Variants in CYYR1 observed in about 807,000 individuals in gnomAD.
The protein encoded by CYYR1 is cysteine and tyrosine rich 1.
In CYYR1, 14 loss-of-function variants were observed where a neutral mutation model predicts 15.2. That is an observed-to-expected ratio of 0.92 (90% CI 0.61 to 1.44). The LOEUF (loss-of-function observed/expected upper bound fraction) is 1.44. CYYR1 is among the 40% of genes most tolerant of loss of function. The probability of loss-of-function intolerance (pLI) is 0.00; values close to 1 mark genes in which losing one functional copy is unlikely to be tolerated. For missense variants in CYYR1, 228 were observed against 209.5 expected, an observed-to-expected ratio of 1.09 and a Z score of -0.54; for synonymous variants, 80 against 77.4, an observed-to-expected ratio of 1.03 and a Z score of -0.18.
At chr21:26,530,147 T>C (rs2065913828) in intron 2 of CYYR1, among the ~76,000 whole-genome samples, 1 of 152,158 alleles carries the variant, frequency 6.6e-6, no homozygotes, top group African/African-American at 2.4e-5. Context: ...ACAATTTTGC[T>C]TGTATTTGTA....
At chr21:26,536,994 T>G (rs976552484) in intron 2 of CYYR1, among the ~76,000 whole-genome samples, 1 of 152,266 alleles carries the variant, frequency 6.6e-6, no homozygotes, top group South Asian at 2.1e-4. Context: ...TTGTAAATAC[T>G]GGTATGTTCT....
intron 2 of CYYR1, among the ~76,000 whole-genome samples, chr21:26,522,896 T>C (rs1216123330): frequency 2.0e-5 from 3 of 152,254 alleles, no homozygotes; most frequent in East Asian, 3.9e-4. Flanking sequence ...CAACAAACAA[T>C]AGGCATGAAA....
chr21:26,563,617 G>GA (rs66524967), intron 2 of CYYR1, among the ~76,000 whole-genome samples: 64,238 of 151,886 alleles, frequency 0.42, 14,907 homozygotes, highest in East Asian at 0.64. Context: ...AGAGCAAACT[G>GA]AAAAAAATAA....
At chr21:26,531,790 A>G (rs2065933505) in intron 2 of CYYR1, among the ~76,000 whole-genome samples, 1 of 152,156 alleles carries the variant, frequency 6.6e-6, no homozygotes, top group African/African-American at 2.4e-5. Flanking sequence ...CCTTAGATCG[A>G]TAAAGAGTAA....
Position 26,510,038 on chromosome 21 carries a change from C to A in CYYR1, c.177-29609G>T, listed in dbSNP as rs538371168. On this transcript the variant is annotated intron_variant, in intron 2 of 3. Transcript: ENST00000652641. ...GGGCTGGATGTAAGATCTCATTGAACTAATCACTATTCACATGGCTTCAAT... is the reference window on the plus strand; with the variant it reads ...GGGCTGGATGTAAGATCTCATTGAAATAATCACTATTCACATGGCTTCAAT... Among the ~76,000 whole-genome samples, 6 of 152,322 alleles carry A rather than the reference C, an allele frequency of 3.9e-5. No individual in the cohort carries two copies. In the East Asian group the frequency reaches 1.2e-3, roughly 29 times the overall value.
chr21:26,502,605 C>T (rs1250257370), intron 2 of CYYR1, among the ~76,000 whole-genome samples: 1 of 152,094 alleles, frequency 6.6e-6, no homozygotes, highest in East Asian at 1.9e-4. Context: ...TTATCTTGGT[C>T]TTGATGCACA....
chr21:26,516,809 A>G (rs564571724), intron 2 of CYYR1, among the ~76,000 whole-genome samples: 14 of 152,320 alleles, frequency 9.2e-5, no homozygotes, highest in African/African-American at 3.1e-4. Context: ...AGCAATGTTT[A>G]GCCAGGATTT....
intron 2 of CYYR1, among the ~76,000 whole-genome samples, chr21:26,512,368 T>G (rs9636573): frequency 3.3e-5 from 5 of 151,886 alleles, no homozygotes; most frequent in Non-Finnish European, 7.4e-5. Flanking sequence ...CTGGCTAATT[T>G]TTTTTTGTAT....
Position 26,480,280 on chromosome 21 carries a change from G to T in CYYR1, c.326C>A (p.Ser109Tyr). 1.2e-6 allele frequency: 2 copies of T among 1,611,062 alleles called. No homozygotes were observed. Among genetic ancestry groups the T allele is most frequent in the Admixed American group, 3.4e-5 (2 of 59,476 alleles). ...LRTTHINTVS[S>Y]YPAGPPPYGH... ...TCAACAGTTTTGCTCACCAGGATAG[G>T]AGGAGACGGTGTTGATGTGAGTCGT... The change falls in exon 3 of 4, where the codon TCC (serine) becomes TAC (tyrosine). Residue 109 changes from serine (S) to tyrosine (Y), a missense_variant. Ser to Tyr is a moderately radical substitution (Grantham distance 144). Coordinates refer to ENST00000652641, the MANE Select transcript of CYYR1 (RefSeq NM_001320768.2).
chr21:26,559,767 T>C (rs1390885843), intron 2 of CYYR1, among the ~76,000 whole-genome samples: 2 of 152,204 alleles, frequency 1.3e-5, no homozygotes, highest in East Asian at 1.9e-4. Flanking sequence ...CAAGTTTCCA[T>C]ATATACGTCA....
chr21:26,501,630 C>T (rs573068489), intron 2 of CYYR1, among the ~76,000 whole-genome samples: 2 of 152,268 alleles, frequency 1.3e-5, no homozygotes, highest in South Asian at 4.1e-4. Context: ...ACCTTCTTTT[C>T]CCCCTTGGTT....
chr21:26,478,099 A>G, intron 3 of CYYR1: 1 of 1,549,716 alleles, frequency 6.5e-7, no homozygotes, highest in Non-Finnish European at 8.7e-7. Flanking sequence ...GTGTTGAACA[A>G]AATAGACCAA....
At chr21:26,536,614 A>C (rs190863724) in intron 2 of CYYR1, among the ~76,000 whole-genome samples, 2 of 152,244 alleles carry the variant, frequency 1.3e-5, no homozygotes, top group Non-Finnish European at 2.9e-5. Flanking sequence ...TTTGCTTTTA[A>C]AATTCAATAC....
At chr21:26,521,582 T>G (rs1394116285) in intron 2 of CYYR1, among the ~76,000 whole-genome samples, 1 of 152,242 alleles carries the variant, frequency 6.6e-6, no homozygotes, top group African/African-American at 2.4e-5. Flanking sequence ...CTACTTTATC[T>G]TGTACTGATC....
rs1354961508 is a variant in CYYR1, at chr21:26,467,678, A to T, written c.*823T>A. On this transcript the variant is annotated 3_prime_UTR_variant, in exon 4 of 4. Coordinates refer to ENST00000652641, the MANE Select transcript of CYYR1 (RefSeq NM_001320768.2). Reference sequence around the variant, plus strand: ...TTATTCTGATCCACTATAAAGCCAGATGATTTTTAGGTGGCAGTAGCTGGC... The same window carrying T: ...TTATTCTGATCCACTATAAAGCCAGTTGATTTTTAGGTGGCAGTAGCTGGC... The T allele has an allele frequency of 6.6e-6, 1 of 152,112 alleles. No individual in the cohort carries two copies. Among genetic ancestry groups the T allele is most frequent in the Non-Finnish European group, 1.5e-5 (1 of 68,028 alleles). 9.4% of individuals were successfully genotyped at this position (152,112 alleles called of 1,614,324 possible).
chr21:26,516,487 C>G (rs1197627822), intron 2 of CYYR1, among the ~76,000 whole-genome samples: 1 of 152,182 alleles, frequency 6.6e-6, no homozygotes, highest in East Asian at 1.9e-4. Flanking sequence ...AAGTTGCACT[C>G]TAAAAATATT....
rs182126284 is a variant in CYYR1 at position 26,563,418 on chromosome 21, A to G, written c.176+2848T>C. On this transcript the variant is annotated intron_variant, in intron 2 of 3. Coordinates refer to ENST00000652641, the MANE Select transcript of CYYR1 (RefSeq NM_001320768.2). ...GAAAACCACTCTCTACTAAAAATAC[A>G]AAAATTAGCCAAGCATGGTGGTGCC... Among the ~76,000 whole-genome samples, 407 of 152,250 alleles carry G rather than the reference A, an allele frequency of 2.7e-3. 1 individual carries two copies. The highest frequency in any genetic ancestry group is 9.1e-3 in the African/African-American group (379 of 41,538).
At chr21:26,501,151 A>C (rs1277439065) in intron 2 of CYYR1, among the ~76,000 whole-genome samples, 1 of 152,196 alleles carries the variant, frequency 6.6e-6, no homozygotes, top group East Asian at 1.9e-4. Context: ...CATCCTGGCC[A>C]ACATGGTGAA....
intron 2 of CYYR1, among the ~76,000 whole-genome samples, chr21:26,485,051 T>C (rs898981995): frequency 7.2e-5 from 11 of 152,096 alleles, no homozygotes; most frequent in African/African-American, 2.7e-4. Flanking sequence ...ATATAAATAA[T>C]TGGCTCAGTC....
Sources: allele counts gnomAD v4.1 joint callset (sites outside exome capture counted in the v4.1 genomes callset), GRCh38; gene constraint gnomAD v4.1.1; transcripts MANE v1.5; gene names NCBI Gene and HGNC (gene_info 2026-07-23, HGNC 2026-07-21).